SLC38A8: variants seen among roughly 807,000 people sequenced by gnomAD.
SLC38A8 encodes the protein amino acid transporter SLC38A8.
SLC38A8 carries 65 observed loss-of-function variants against 46.0 expected under a neutral mutation model. The ratio of observed to expected loss-of-function variants is 1.41; its 90% CI spans 1.16 to 1.74. The LOEUF (loss-of-function observed/expected upper bound fraction) is 1.74. SLC38A8 is among the 40% of genes most tolerant of loss of function. SLC38A8 has a pLI of 0.00. For missense variants in SLC38A8, 998 were observed against 567.9 expected (o/e 1.76, Z -7.70); for synonymous variants, 447 against 243.7 (o/e 1.83, Z -7.77).
At chr16:84,023,125 T>C (rs77301223) in intron 6 of SLC38A8, among the ~76,000 whole-genome samples, 2,309 of 151,436 alleles carry the variant, frequency 0.015, 80 homozygotes, top group East Asian at 0.08. Flanking sequence ...GCATTATCAA[T>C]ACAAGCTCGC....
chr16:84,014,698 C>T (rs192062043), intron 9 of SLC38A8, among the ~76,000 whole-genome samples: 66 of 152,340 alleles, frequency 4.3e-4, no homozygotes, highest in African/African-American at 1.5e-3. Flanking sequence ...TCTCTTAATC[C>T]CAGTAGACCC....
chr16:84,032,004 G>A (rs563747225), intron 4 of SLC38A8, 36 bp from the exon 5 acceptor site: 1 of 1,569,998 alleles, frequency 6.4e-7, no homozygotes, highest in African/African-American at 1.3e-5. Context: ...TGCGCAGTGG[G>A]TGACATGTGC....
intron 2 of SLC38A8, among the ~76,000 whole-genome samples, chr16:84,037,123 C>T (rs1567704042): frequency 6.6e-6 from 1 of 152,236 alleles, no homozygotes; most frequent in Non-Finnish European, 1.5e-5. Context: ...TTCTGGCAGG[C>T]TCACTGGCTC....
intron 7 of SLC38A8, among the ~76,000 whole-genome samples, chr16:84,018,746 G>T (rs2151115606): frequency 6.6e-6 from 1 of 152,294 alleles, no homozygotes; most frequent in South Asian, 2.1e-4. Flanking sequence ...GATGTCTGAT[G>T]AAGCGGCCGA....
At chr16:84,037,494 C>G (rs775477341) in intron 2 of SLC38A8, among the ~76,000 whole-genome samples, 5 of 152,228 alleles carry the variant, frequency 3.3e-5, no homozygotes, top group Non-Finnish European at 7.3e-5. Flanking sequence ...GGCACAGTGG[C>G]TCATGCCTGC....
At chr16:84,039,141 GC>G (rs1284421593) in intron 2 of SLC38A8, among the ~76,000 whole-genome samples, 1 of 152,162 alleles carries the variant, frequency 6.6e-6, no homozygotes, top group Non-Finnish European at 1.5e-5. Context: ...AACCCAAGAA[GC>G]ACCTGGAGCC....
At chr16:84,027,560 G>A (rs977364199) in intron 6 of SLC38A8, among the ~76,000 whole-genome samples, 5 of 152,196 alleles carry the variant, frequency 3.3e-5, no homozygotes, top group African/African-American at 1.2e-4. Context: ...ATGACAGTAT[G>A]TGACCGTCCC....
Position 84,009,828 on chromosome 16 carries a change from T to C in SLC38A8, c.1264A>G (p.Ile422Val). 1 of 1,614,040 alleles carries C rather than the reference T, an allele frequency of 6.2e-7. No individual in the cohort carries two copies. Among genetic ancestry groups the C allele is most frequent in the South Asian group, 1.1e-5 (1 of 91,074 alleles). ...GVVSVLVGTF[I>V]FGQSTAAAVW... is the part of the protein sequence containing the mutation. ...GCTGCCGCCGTGCTCTGCCCAAAGATGAAGGTGCCGACCAGCACAGAGACC... is the reference window on the plus strand; with the variant it reads ...GCTGCCGCCGTGCTCTGCCCAAAGACGAAGGTGCCGACCAGCACAGAGACC... Residue 422 changes from isoleucine to valine, a missense_variant, in exon 11 of 11, where the codon ATC (isoleucine) becomes GTC (valine). Coordinates refer to ENST00000299709, the MANE Select transcript of SLC38A8 (RefSeq NM_001080442.3).
chr16:84,012,922 G>A, intron 10 of SLC38A8, 79 bp downstream of exon 10: 1 of 1,465,120 alleles, frequency 6.8e-7, no homozygotes, highest in Non-Finnish European at 9.5e-7. Flanking sequence ...TGAGAAATAG[G>A]ATCTGCAGGG....
intron 7 of SLC38A8, among the ~76,000 whole-genome samples, chr16:84,019,324 T>A (rs9926354): frequency 1.3e-5 from 2 of 151,924 alleles, no homozygotes; most frequent in Non-Finnish European, 2.9e-5. Flanking sequence ...TCCACCTGCC[T>A]CAGCCTACCA....
rs1337214816 is a variant in SLC38A8, at chr16:84,029,539, C to G, written c.645G>C (p.Trp215Cys). 5.0e-6 allele frequency: 8 copies of G among 1,613,914 alleles called. No individual in the cohort carries two copies. In the East Asian group the frequency reaches 1.8e-4, roughly 36 times the overall value. The change falls in exon 6 of 11, where the codon TGG (tryptophan) becomes TGC (cysteine). Residue 215 changes from tryptophan (W) to cysteine (C), a missense_variant. Coordinates refer to ENST00000299709, the MANE Select transcript of SLC38A8 (RefSeq NM_001080442.3). ...TGGGGAAGACACTGAACACAGAGGT[C>G]CAGGAGGCAGGGCTGTAAACAGACA... ...ESHPSLSPAS[W>C]TSVFSVFPTI...
At chr16:84,019,991 G>A (rs1342967617) in intron 7 of SLC38A8, among the ~76,000 whole-genome samples, 1 of 152,240 alleles carries the variant, frequency 6.6e-6, no homozygotes, top group East Asian at 1.9e-4. Flanking sequence ...GGCACCTGAT[G>A]CCTGAAGTTC....
chr16:84,010,003 A>T (rs1423439970), intron 10 of SLC38A8, 126 bp from the exon 11 acceptor site: 1 of 688,178 alleles, frequency 1.5e-6, no homozygotes, highest in Non-Finnish European at 2.2e-6. Context: ...AGAAAAATTC[A>T]GAATATTTCC....
Position 84,009,885 on chromosome 16 carries a change from G to T in SLC38A8, c.1215-8C>A. 6.2e-7 allele frequency: 1 copy of T among 1,611,586 alleles called. No homozygotes were observed. Among genetic ancestry groups the T allele is most frequent in the Non-Finnish European group, 8.5e-7 (1 of 1,179,162 alleles). On this transcript the variant is annotated splice_region_variant and splice_polypyrimidine_tract_variant and intron_variant, in intron 10 of 10. Transcript: ENST00000299709. ...CAGACCTCCAGGCAGCACCTGCCAA[G>T]TGAATAAACCCATGTCAGAGCTTTT...
rs1346695874 is a variant in SLC38A8 at position 84,033,403 on chromosome 16, G to T, written c.455C>A (p.Thr152Asn). 1.2e-6 allele frequency: 2 copies of T among 1,613,932 alleles called. No homozygotes were observed. Among genetic ancestry groups the T allele is most frequent in the South Asian group, 2.2e-5 (2 of 91,072 alleles). ...GACCAGCACGGAGAGCAGGGGCAGGGTGAAGCGCTGGTCTGCGTACCACGG... is the reference window on the plus strand; with the variant it reads ...GACCAGCACGGAGAGCAGGGGCAGGTTGAAGCGCTGGTCTGCGTACCACGG... ...PQPWYADQRFTLPLLSVLVIL... is the reference protein window; with the variant it reads ...PQPWYADQRFNLPLLSVLVIL... Residue 152 changes from threonine (T) to asparagine (N), a missense_variant, in exon 4 of 11, where the codon ACC (threonine) becomes AAC (asparagine). Thr to Asn is a moderately conservative substitution (Grantham distance 65, BLOSUM62 0). Coordinates refer to ENST00000299709, the MANE Select transcript of SLC38A8 (RefSeq NM_001080442.3).
chr16:84,028,373 G>C (rs1258022173), intron 6 of SLC38A8, among the ~76,000 whole-genome samples: 3 of 151,942 alleles, frequency 2.0e-5, no homozygotes, highest in Non-Finnish European at 4.4e-5. Flanking sequence ...TTGACGTCAG[G>C]AGTTCAAGAC....
chr16:84,011,711 G>A (rs1473909315), intron 10 of SLC38A8, among the ~76,000 whole-genome samples: 3 of 152,172 alleles, frequency 2.0e-5, no homozygotes, highest in Non-Finnish European at 4.4e-5. Flanking sequence ...CTAATCTGAT[G>A]GTAGGTATCC....
chr16:84,043,307 G>A (rs1290676028), upstream of SLC38A8, among the ~76,000 whole-genome samples: 2 of 152,146 alleles, frequency 1.3e-5, no homozygotes, highest in South Asian at 2.1e-4. Context: ...GCCCCATTCC[G>A]GAAAATGCTG....
intron 10 of SLC38A8, among the ~76,000 whole-genome samples, chr16:84,011,436 C>A (rs2084951693): frequency 1.3e-5 from 2 of 152,190 alleles, no homozygotes; most frequent in Admixed American, 6.6e-5. Context: ...CCAGAAGAAA[C>A]CGGGCCAGGC....
Sources: allele counts gnomAD v4.1 joint callset (sites outside exome capture counted in the v4.1 genomes callset), GRCh38; gene constraint gnomAD v4.1.1; transcripts MANE v1.5; gene names NCBI Gene and HGNC (gene_info 2026-07-23, HGNC 2026-07-21).